PTPRD: variants seen among roughly 807,000 people sequenced by gnomAD.
PTPRD encodes the protein receptor-type tyrosine-protein phosphatase delta.
PTPRD carries 34 observed loss-of-function variants against 214.5 expected under a neutral mutation model. The observed-to-expected ratio is 0.16, with a 90% CI of 0.12 to 0.21. The LOEUF (loss-of-function observed/expected upper bound fraction) is 0.21, where lower values mean the gene tolerates loss of function less well. PTPRD is among the 10% of genes least tolerant of loss of function. The pLI, the probability that PTPRD is intolerant of heterozygous loss-of-function variation, is 1.00. For missense variants in PTPRD, 2,545 were observed against 2,398.7 expected (o/e 1.06, Z -1.27); for synonymous variants, 1,128 against 845.7 (o/e 1.33, Z -5.79).
chr9:8,636,373 T>TG (rs2096434190), intron 13 of PTPRD, among the ~76,000 whole-genome samples: 1 of 152,136 alleles, frequency 6.6e-6, no homozygotes, highest in African/African-American at 2.4e-5. Flanking sequence ...GAGAGGCTTC[T>TG]GGAAGAGACA....
At chr9:8,958,229 G>C (rs935929520) in intron 11 of PTPRD, among the ~76,000 whole-genome samples, 1 of 151,900 alleles carries the variant, frequency 6.6e-6, no homozygotes, top group Non-Finnish European at 1.5e-5. Flanking sequence ...TGCCTCATTT[G>C]CTTCTTTGTG....
intron 2 of PTPRD, among the ~76,000 whole-genome samples, chr9:10,417,606 TA>T (rs2098504442): frequency 6.6e-6 from 1 of 151,738 alleles, no homozygotes; most frequent in African/African-American, 2.4e-5. Context: ...CATATATCAA[TA>T]ATAACATATA....
At chr9:8,593,962 A>C (rs1416639102) in intron 14 of PTPRD, among the ~76,000 whole-genome samples, 1 of 152,198 alleles carries the variant, frequency 6.6e-6, no homozygotes. Flanking sequence ...ATATATATGC[A>C]TATCTCATAT....
intron 2 of PTPRD, among the ~76,000 whole-genome samples, chr9:10,530,166 A>G (rs951867907): frequency 7.2e-5 from 11 of 152,198 alleles, no homozygotes; most frequent in African/African-American, 1.7e-4. Context: ...AATAAAGTCT[A>G]TAGTAAAATT....
At chr9:8,669,380 G>A (rs564881514) in intron 12 of PTPRD, among the ~76,000 whole-genome samples, 1 of 152,278 alleles carries the variant, frequency 6.6e-6, no homozygotes, top group East Asian at 1.9e-4. Flanking sequence ...CTGCTATAGA[G>A]ATTTCTGAGG....
intron 6 of PTPRD, among the ~76,000 whole-genome samples, chr9:9,744,369 T>G (rs962891840): frequency 2.0e-5 from 3 of 152,136 alleles, no homozygotes; most frequent in African/African-American, 7.2e-5. Context: ...CATGTAGATG[T>G]TGAGGACTGC....
chr9:8,462,289 C>G (rs912153266), intron 32 of PTPRD, among the ~76,000 whole-genome samples: 1 of 151,934 alleles, frequency 6.6e-6, no homozygotes, highest in Non-Finnish European at 1.5e-5. Flanking sequence ...CTGATATTAG[C>G]TAATCAGTGT....
At chr9:9,588,945 C>T (rs584880) in intron 7 of PTPRD, among the ~76,000 whole-genome samples, 47,446 of 151,662 alleles carry the variant, frequency 0.31, 7,855 homozygotes, top group Non-Finnish European at 0.36. Flanking sequence ...AATATTAGAA[C>T]TTGTAATATT....
intron 2 of PTPRD, among the ~76,000 whole-genome samples, chr9:10,489,275 G>A (rs141275625): frequency 9.9e-4 from 150 of 152,272 alleles, no homozygotes; most frequent in South Asian, 3.1e-3. Flanking sequence ...GCCTGGAAAG[G>A]GGACCTTATT....
intron 2 of PTPRD, among the ~76,000 whole-genome samples, chr9:10,371,489 A>G (rs1373190031): frequency 6.6e-6 from 1 of 152,106 alleles, no homozygotes; most frequent in Non-Finnish European, 1.5e-5. Flanking sequence ...TAGCTACCAG[A>G]GCACTTTGTC....
chr9:9,961,856 T>G (rs939934227), intron 4 of PTPRD, among the ~76,000 whole-genome samples: 6 of 152,266 alleles, frequency 3.9e-5, no homozygotes, highest in Non-Finnish European at 5.9e-5. Context: ...TGTCTCTTAT[T>G]AGTCATGGTA....
At chr9:9,266,246 C>T (rs1939577920) in intron 9 of PTPRD, among the ~76,000 whole-genome samples, 1 of 150,972 alleles carries the variant, frequency 6.6e-6, no homozygotes, top group African/African-American at 2.4e-5. Context: ...ATTAAAGTAC[C>T]TACATATATA....
At chr9:9,091,124 G>C in intron 10 of PTPRD, 1 of 1,447,856 alleles carries the variant, frequency 6.9e-7, no homozygotes, top group Non-Finnish European at 9.6e-7. Context: ...TACTGTGTGA[G>C]TTGTGCAATT....
chr9:10,382,359 T>C lies in PTPRD; in HGVS notation c.-599-41342A>G, dbSNP rs78128946. Among the ~76,000 whole-genome samples, 208 of 152,090 alleles carry C rather than the reference T, an allele frequency of 1.4e-3. 3 individuals are homozygous for C. In the East Asian group the frequency reaches 0.018, roughly 13 times the overall value. On this transcript the variant is annotated intron_variant, in intron 2 of 45. Transcript: ENST00000381196. ...ATTATTTCTAGTTATCTTTATATTG[T>C]ATGCTTTACTTTTCACTCCAGTGCC...
Position 9,152,453 on chromosome 9 carries a change from T to C in PTPRD, c.-143+30851A>G, listed in dbSNP as rs144760208. On this transcript the variant is annotated intron_variant, in intron 10 of 45. Coordinates refer to ENST00000381196, the MANE Select transcript of PTPRD (RefSeq NM_002839.4). Reference sequence around the variant, plus strand: ...TGTTTTTAAGTCTCAAGGGGGAAATTATGATGTTCACACACAGGTTAAAGC... The same window carrying C: ...TGTTTTTAAGTCTCAAGGGGGAAATCATGATGTTCACACACAGGTTAAAGC... Among the ~76,000 whole-genome samples the C allele has an allele frequency of 4.1e-3, 625 of 152,288 alleles. 2 individuals are homozygous for C. Among genetic ancestry groups the C allele is most frequent in the Non-Finnish European group, 6.5e-3 (440 of 68,024 alleles).
chr9:9,970,323 A>G (rs894751063), intron 4 of PTPRD, among the ~76,000 whole-genome samples: 10 of 151,016 alleles, frequency 6.6e-5, no homozygotes, highest in Non-Finnish European at 8.9e-5. Flanking sequence ...GGTGGCAGGC[A>G]CCTGTAGTCC....
At chr9:8,984,576 C>A (rs2099329745) in intron 11 of PTPRD, among the ~76,000 whole-genome samples, 1 of 152,084 alleles carries the variant, frequency 6.6e-6, no homozygotes, top group African/African-American at 2.4e-5. Context: ...AGCAAGGAAG[C>A]AGTGGTAAAA....
intron 9 of PTPRD, among the ~76,000 whole-genome samples, chr9:9,306,513 G>A (rs539888006): frequency 1.6e-5 from 2 of 127,588 alleles, no homozygotes; most frequent in Admixed American, 9.7e-5. Context: ...GCAGTGAACC[G>A]AGATCACACC....
chr9:9,268,983 C>CAA (rs147426403), intron 9 of PTPRD, among the ~76,000 whole-genome samples: 22 of 137,940 alleles, frequency 1.6e-4, no homozygotes, highest in African/African-American at 2.9e-4. Flanking sequence ...AAAGCACAGG[C>CAA]AAAAAAAAAA....
Sources: gnomAD v4.1 joint callset for allele counts (sites outside exome capture counted in the v4.1 genomes callset) on GRCh38, gnomAD v4.1.1 for gene constraint, MANE v1.5 for transcripts, NCBI Gene and HGNC (gene_info 2026-07-23, HGNC 2026-07-21) for gene names.